GLP2R: variants seen among roughly 807,000 people sequenced by gnomAD.
The protein encoded by GLP2R is glucagon like peptide 2 receptor, also known as glucagon-like peptide 2 receptor.
In GLP2R, 59 loss-of-function variants were observed where a neutral mutation model predicts 68.2. The ratio of observed to expected loss-of-function variants is 0.87; its 90% CI spans 0.70 to 1.07. The LOEUF (loss-of-function observed/expected upper bound fraction) is 1.07, where lower values mean the gene tolerates loss of function less well. Among genes scored for constraint, GLP2R ranks in the 50% least tolerant of loss-of-function variants. The pLI, the probability that GLP2R is intolerant of heterozygous loss-of-function variation, is 0.00. For missense variants in GLP2R, 548 were observed against 677.4 expected, an observed-to-expected ratio of 0.81 and a Z score of 2.12; for synonymous variants, 270 against 265.4, an observed-to-expected ratio of 1.02 and a Z score of -0.17.
intron 11 of GLP2R, among the ~76,000 whole-genome samples, chr17:9,885,019 G>A (rs1646030213): frequency 6.6e-6 from 1 of 152,090 alleles, no homozygotes; most frequent in African/African-American, 2.4e-5. Context: ...TTCATGTGGA[G>A]CTATGTGAGG....
chr17:9,882,533 T>C (rs960841442), intron 11 of GLP2R, among the ~76,000 whole-genome samples: 7 of 152,186 alleles, frequency 4.6e-5, no homozygotes, highest in African/African-American at 1.7e-4. Context: ...AATGTGAGTT[T>C]CTGCACACAT....
At chr17:9,836,963 C>A (rs2066737571) in intron 3 of GLP2R, among the ~76,000 whole-genome samples, 1 of 152,096 alleles carries the variant, frequency 6.6e-6, no homozygotes, top group Admixed American at 6.5e-5. Flanking sequence ...GATTCTCCTG[C>A]CTCAGCCTCC....
At chr17:9,862,548 CATAG>C (rs1416796496) in intron 9 of GLP2R, among the ~76,000 whole-genome samples, 1 of 152,172 alleles carries the variant, frequency 6.6e-6, no homozygotes, top group African/African-American at 2.4e-5. Context: ...AGAATCAAGA[CATAG>C]ATGCTACTCT....
intron 9 of GLP2R, among the ~76,000 whole-genome samples, chr17:9,868,848 T>C (rs1463245378): frequency 6.6e-6 from 1 of 152,218 alleles, no homozygotes; most frequent in East Asian, 1.9e-4. Context: ...ATAAATGCCT[T>C]TCTGCTGTTA....
chr17:9,881,956 A>G (rs2067200154), intron 11 of GLP2R, among the ~76,000 whole-genome samples: 1 of 151,878 alleles, frequency 6.6e-6, no homozygotes, highest in Non-Finnish European at 1.5e-5. Flanking sequence ...TAAAGAGAGG[A>G]TCTACAAAAG....
intron 4 of GLP2R, among the ~76,000 whole-genome samples, chr17:9,844,838 G>C (rs1469755382): frequency 6.0e-5 from 9 of 149,964 alleles, no homozygotes; most frequent in African/African-American, 2.0e-4. Flanking sequence ...CTACAGGTGC[G>C]TGCCACCACG....
At chr17:9,887,045 T>A (rs2067249445) in intron 11 of GLP2R, among the ~76,000 whole-genome samples, 1 of 152,082 alleles carries the variant, frequency 6.6e-6, no homozygotes, top group Admixed American at 6.5e-5. Flanking sequence ...TCAGGATATG[T>A]AGGAGCCTGA....
At chr17:9,868,703 C>T (rs964532305) in intron 9 of GLP2R, among the ~76,000 whole-genome samples, 3 of 152,176 alleles carry the variant, frequency 2.0e-5, no homozygotes, top group Admixed American at 6.5e-5. Context: ...GTGCCTCCTT[C>T]GTACGTTCTA....
At chr17:9,854,122 G>T (rs1174760196) in intron 4 of GLP2R, among the ~76,000 whole-genome samples, 2 of 152,232 alleles carry the variant, frequency 1.3e-5, no homozygotes, top group East Asian at 3.8e-4. Flanking sequence ...CCAGAAGGAA[G>T]GACCCATAGA....
chr17:9,851,481 G>A (rs892733286), intron 4 of GLP2R, among the ~76,000 whole-genome samples: 12 of 152,240 alleles, frequency 7.9e-5, no homozygotes, highest in African/African-American at 2.9e-4. Flanking sequence ...TTTCTTATAG[G>A]GGGTAGGTTT....
chr17:9,852,834 T>A, intron 4 of GLP2R: 1 of 331,528 alleles, frequency 3.0e-6, no homozygotes, highest in Non-Finnish European at 5.7e-6. Context: ...CATCATCTTC[T>A]CCATCAGCAG....
intron 3 of GLP2R, among the ~76,000 whole-genome samples, chr17:9,837,045 G>A (rs1037931029): frequency 2.0e-5 from 3 of 151,896 alleles, no homozygotes; most frequent in Middle Eastern, 3.2e-3. Context: ...AGTAGAGACG[G>A]GATTTCACTG....
At chr17:9,847,435 A>G (rs1008339357) in intron 4 of GLP2R, among the ~76,000 whole-genome samples, 2 of 151,698 alleles carry the variant, frequency 1.3e-5, no homozygotes, top group Admixed American at 1.3e-4. Context: ...ACACCCGGCA[A>G]TGTTTTGTAT....
intron 10 of GLP2R, among the ~76,000 whole-genome samples, chr17:9,879,991 A>G (rs930342369): frequency 2.0e-5 from 3 of 152,164 alleles, no homozygotes; most frequent in Non-Finnish European, 2.9e-5. Flanking sequence ...AAAGAAAGAG[A>G]TAGATGAAAC....
At position 9,826,059 on chromosome 17, in the gene GLP2R, G is replaced by A; in HGVS notation, c.-5G>A. The A allele has an allele frequency of 2.5e-6, 4 of 1,609,284 alleles. No homozygotes were observed. Among genetic ancestry groups the A allele is most frequent in the Non-Finnish European group, 3.4e-6 (4 of 1,178,656 alleles). The stretch of plus-strand genomic sequence containing the variant: ...TACCCCTACTTGTGAAGGTGCACGA[G>A]GAAGATGAAGCTGGGATCGAGCAGG... On this transcript the variant is annotated 5_prime_UTR_variant, in exon 1 of 13. Coordinates refer to ENST00000262441, the MANE Select transcript of GLP2R (RefSeq NM_004246.3).
chr17:9,860,161 T>C (rs1257331282), intron 7 of GLP2R, 60 bp downstream of exon 7: 8 of 1,446,328 alleles, frequency 5.5e-6, no homozygotes, highest in Admixed American at 2.4e-5. Context: ...GGGAGCCTGA[T>C]AGAGACTTTA....
In GLP2R at chr17:9,842,479, C is replaced by A. The variant is rs368317833; in HGVS notation, c.383-16C>A. Reference sequence around the variant, plus strand: ...GTGTGTTCTGACCTTTCCTCCAGAGCTTTGTTTACTTTCAGAGAGCTCAGG... The same window carrying A: ...GTGTGTTCTGACCTTTCCTCCAGAGATTTGTTTACTTTCAGAGAGCTCAGG... On this transcript the variant is annotated splice_polypyrimidine_tract_variant and intron_variant, in intron 3 of 12. Transcript: ENST00000262441. 3 of 1,613,986 alleles carry A rather than the reference C, an allele frequency of 1.9e-6. No homozygotes were observed. The South Asian group carries it at 3.3e-5, about 18-fold the overall frequency.
At chr17:9,863,461 C>G (rs1206021218) in intron 9 of GLP2R, among the ~76,000 whole-genome samples, 1 of 152,170 alleles carries the variant, frequency 6.6e-6, no homozygotes, top group African/African-American at 2.4e-5. Flanking sequence ...GATCTCAGCC[C>G]AAAGGGTGTG....
chr17:9,879,872 C>T (rs990084668), intron 10 of GLP2R, among the ~76,000 whole-genome samples: 1 of 152,162 alleles, frequency 6.6e-6, no homozygotes, highest in African/African-American at 2.4e-5. Flanking sequence ...TCAGATGCCC[C>T]CACATCCAGC....
Sources: gnomAD v4.1 joint callset for allele counts (sites outside exome capture counted in the v4.1 genomes callset) on GRCh38, gnomAD v4.1.1 for gene constraint, MANE v1.5 for transcripts, NCBI Gene and HGNC (gene_info 2026-07-23, HGNC 2026-07-21) for gene names.